DRAM1: variants seen among roughly 807,000 people sequenced by gnomAD.
The protein encoded by DRAM1 is DNA damage-regulated autophagy modulator protein 1.
A neutral mutation model predicts 28.5 loss-of-function variants in DRAM1; 25 were observed. The observed-to-expected ratio is 0.88, with a 90% CI of 0.64 to 1.23. The LOEUF (loss-of-function observed/expected upper bound fraction) is 1.23, where lower values mean the gene tolerates loss of function less well. Among genes scored for constraint, DRAM1 ranks in the 50% most tolerant of loss-of-function variants. The pLI, the probability that DRAM1 is intolerant of heterozygous loss-of-function variation, is 0.00. For synonymous variants in DRAM1, 113 were observed against 114.2 expected (o/e 0.99, Z 0.07); for missense variants, 249 against 299.2 (o/e 0.83, Z 1.24).
At chr12:101,906,312 C>T (rs1304479404) in intron 3 of DRAM1, among the ~76,000 whole-genome samples, 1 of 151,958 alleles carries the variant, frequency 6.6e-6, no homozygotes, top group African/African-American at 2.4e-5. Context: ...ATTTGTGCTC[C>T]AGCTTGAGGT....
chr12:101,897,010 C>T (rs7134162), intron 1 of DRAM1, among the ~76,000 whole-genome samples: 77,763 of 151,692 alleles, frequency 0.51, 20,412 homozygotes, highest in East Asian at 0.63. Flanking sequence ...TGGTCTCGAA[C>T]TTCTGACCTC....
chr12:101,892,751 T>C (rs1873186855), intron 1 of DRAM1, among the ~76,000 whole-genome samples: 1 of 152,210 alleles, frequency 6.6e-6, no homozygotes, highest in South Asian at 2.1e-4. Flanking sequence ...TTTTATTTCC[T>C]CACCTCTTTG....
chr12:101,915,345 A>T (rs893157260), intron 5 of DRAM1, among the ~76,000 whole-genome samples: 1 of 152,136 alleles, frequency 6.6e-6, no homozygotes, highest in Non-Finnish European at 1.5e-5. Context: ...GACAGTGTGA[A>T]TGAAGGTGTT....
intron 1 of DRAM1, among the ~76,000 whole-genome samples, chr12:101,888,171 C>G (rs988202255): frequency 1.3e-5 from 2 of 151,996 alleles, no homozygotes; most frequent in African/African-American, 4.8e-5. Context: ...GCTCTGTTGC[C>G]CAGGCTGGTG....
At chr12:101,894,361 C>A (rs1873264785) in intron 1 of DRAM1, among the ~76,000 whole-genome samples, 1 of 152,114 alleles carries the variant, frequency 6.6e-6, no homozygotes. Flanking sequence ...AAGTGATCCA[C>A]CCGTCTCAGC....
At chr12:101,913,544 A>G (rs969094990) in intron 4 of DRAM1, among the ~76,000 whole-genome samples, 1 of 151,894 alleles carries the variant, frequency 6.6e-6, no homozygotes. Flanking sequence ...CGTCTCTACT[A>G]AAAATACAAA....
At chr12:101,912,324 A>T (rs148906785) in intron 4 of DRAM1, among the ~76,000 whole-genome samples, 3,455 of 152,310 alleles carry the variant, frequency 0.023, 141 homozygotes, top group African/African-American at 0.079. Flanking sequence ...TCACTGAATG[A>T]AGCTTTCTCC....
At chr12:101,897,970 A>C (rs1218281685) in intron 2 of DRAM1, 40 bp downstream of exon 2, 48 of 1,236,864 alleles carry the variant, frequency 3.9e-5, no homozygotes, top group Non-Finnish European at 5.1e-5. Context: ...TGAAAAGCTC[A>C]CAATTCCAAG....
chr12:101,908,893 CAAAAAA>C (rs56843086), intron 4 of DRAM1, among the ~76,000 whole-genome samples: 2 of 70,916 alleles, frequency 2.8e-5, no homozygotes, highest in African/African-American at 4.8e-5. Flanking sequence ...TCCCCACAAC[CAAAAAA>C]AAAAAAAAAA....
intron 1 of DRAM1, among the ~76,000 whole-genome samples, chr12:101,878,908 G>GT (rs143884688): frequency 1.3e-5 from 2 of 151,776 alleles, no homozygotes; most frequent in South Asian, 2.1e-4. Flanking sequence ...TTGTTTGTTT[G>GT]TTTTTTTCCT....
chr12:101,892,458 T>C (rs1469966571), intron 1 of DRAM1, among the ~76,000 whole-genome samples: 2 of 151,342 alleles, frequency 1.3e-5, no homozygotes, highest in African/African-American at 4.9e-5. Flanking sequence ...TTCACCATGT[T>C]GGCCAGGCTG....
chr12:101,904,844 G>A (rs1030274262), intron 3 of DRAM1, among the ~76,000 whole-genome samples: 1 of 151,984 alleles, frequency 6.6e-6, no homozygotes, highest in African/African-American at 2.4e-5. Flanking sequence ...AAGAGTGCCG[G>A]GTTTTAACTT....
intron 1 of DRAM1, among the ~76,000 whole-genome samples, chr12:101,895,463 C>T (rs1253647012): frequency 6.6e-6 from 1 of 151,358 alleles, no homozygotes; most frequent in African/African-American, 2.4e-5. Context: ...CAGGCATGAG[C>T]CACTATACCC....
intron 2 of DRAM1, among the ~76,000 whole-genome samples, chr12:101,900,322 C>T (rs547400162): frequency 2.0e-3 from 308 of 152,066 alleles, no homozygotes; most frequent in African/African-American, 6.9e-3. Flanking sequence ...AAACACAAAA[C>T]GCAGAAGAAT....
chr12:101,888,786 A>ATTTTTTTTTTTTTTTTTTTTT (rs34825466), intron 1 of DRAM1, among the ~76,000 whole-genome samples: 1 of 107,940 alleles, frequency 9.3e-6, no homozygotes, highest in Non-Finnish European at 1.8e-5. Flanking sequence ...AAACATCTCA[A>ATTTTTTTTTTTTTTTTTTTTT]TTTTTTTTTT....
chr12:101,909,261 CA>C (rs367840267), intron 4 of DRAM1, among the ~76,000 whole-genome samples: 40 of 141,910 alleles, frequency 2.8e-4, no homozygotes, highest in Middle Eastern at 3.6e-3. Context: ...AACTCCGTCT[CA>C]AAAAAAAAAG....
intron 4 of DRAM1, among the ~76,000 whole-genome samples, chr12:101,909,844 G>A (rs79471452): frequency 0.062 from 9,458 of 152,182 alleles, 972 homozygotes; most frequent in African/African-American, 0.22. Flanking sequence ...GAGTTGCAGA[G>A]TTCCCCATCT....
intron 1 of DRAM1, among the ~76,000 whole-genome samples, chr12:101,879,829 A>G (rs1385635123): frequency 6.6e-6 from 1 of 152,064 alleles, no homozygotes; most frequent in African/African-American, 2.4e-5. Flanking sequence ...CCTCATCTCT[A>G]CTAAAAATAC....
chr12:101,882,835 CTTTTTTTTT>C (rs35171315), intron 1 of DRAM1, among the ~76,000 whole-genome samples: 2 of 112,576 alleles, frequency 1.8e-5, no homozygotes, highest in Non-Finnish European at 3.4e-5. Context: ...ATGCAACAGC[CTTTTTTTTT>C]TTTTTTTTTT....
Sources: gnomAD v4.1 joint callset for allele counts (sites outside exome capture counted in the v4.1 genomes callset) on GRCh38, gnomAD v4.1.1 for gene constraint, MANE v1.5 for transcripts, NCBI Gene and HGNC (gene_info 2026-07-23, HGNC 2026-07-21) for gene names.